Variants in SRFBP1 observed in about 807,000 individuals in gnomAD.
The protein encoded by SRFBP1 is serum response factor-binding protein 1.
Under a neutral mutation model 45.5 loss-of-function variants are expected in SRFBP1, and 47 were observed. That is an observed-to-expected ratio of 1.03 (90% CI 0.82 to 1.32). The LOEUF is 1.32. Among genes scored for constraint, SRFBP1 ranks in the 40% most tolerant of loss-of-function variants. The probability of loss-of-function intolerance (pLI) is 0.00; values close to 1 mark genes in which losing one functional copy is unlikely to be tolerated. For synonymous variants in SRFBP1, 203 were observed against 166.3 expected, an observed-to-expected ratio of 1.22 and a Z score of -1.70; for missense variants, 621 against 484.6, an observed-to-expected ratio of 1.28 and a Z score of -2.64.
chr5:121,964,182 C>G (rs2112808193), intron 1 of SRFBP1, among the ~76,000 whole-genome samples: 1 of 152,142 alleles, frequency 6.6e-6, no homozygotes, highest in Non-Finnish European at 1.5e-5. Flanking sequence ...ATTGACTCTT[C>G]TCAAACTTTA....
chr5:121,996,869 AACAG>A (rs2112678301), intron 4 of SRFBP1, among the ~76,000 whole-genome samples: 1 of 147,724 alleles, frequency 6.8e-6, no homozygotes, highest in East Asian at 2.0e-4. Flanking sequence ...ATACACCAAC[AACAG>A]ACAACCAGAG....
downstream of SRFBP1, chr5:122,077,646 C>A (rs369288671): frequency 3.4e-5 from 55 of 1,609,712 alleles, no homozygotes; most frequent in South Asian, 6.0e-4. This position sits in a 1 kb window ranked among gnomAD's most constrained non-coding sequence, Gnocchi z 4.9. Context: ...GGGCGGCCAG[C>A]GGTGACTCCA....
chr5:122,018,034 G>A (rs1753223371), intron 4 of SRFBP1, among the ~76,000 whole-genome samples: 1 of 152,192 alleles, frequency 6.6e-6, no homozygotes, highest in Admixed American at 6.5e-5. Context: ...AGTAAATAGT[G>A]ATGGGAAGTG....
At chr5:122,054,685 A>C (rs748953992) in intron 2 of SRFBP1, among the ~76,000 whole-genome samples, 6 of 152,214 alleles carry the variant, frequency 3.9e-5, no homozygotes, top group Non-Finnish European at 8.8e-5. Flanking sequence ...TAATATATTT[A>C]TCTTTCTCTC....
chr5:121,976,597 A>G (rs1439070628), intron 3 of SRFBP1, among the ~76,000 whole-genome samples: 1 of 151,840 alleles, frequency 6.6e-6, no homozygotes, highest in Non-Finnish European at 1.5e-5. Context: ...TTACTAAATT[A>G]CATTGCCTAC....
intron 6 of SRFBP1, 104 bp downstream of exon 6, chr5:122,020,906 A>G (rs990702401): frequency 4.0e-5 from 44 of 1,103,686 alleles, no homozygotes; most frequent in Non-Finnish European, 5.0e-5. Context: ...AGTTTGTACA[A>G]CCCATCCTGT....
chr5:121,978,657 A>G (rs1209326681), intron 3 of SRFBP1, among the ~76,000 whole-genome samples: 1 of 152,048 alleles, frequency 6.6e-6, no homozygotes, highest in Non-Finnish European at 1.5e-5. Flanking sequence ...ATGCCTGGCT[A>G]ACTTTTGTAT....
At chr5:121,983,234 C>G (rs1331790492) in intron 3 of SRFBP1, among the ~76,000 whole-genome samples, 1 of 151,244 alleles carries the variant, frequency 6.6e-6, no homozygotes, top group Non-Finnish European at 1.5e-5. Context: ...CTTCACAAGG[C>G]CATCCATTTT....
intron 1 of SRFBP1, among the ~76,000 whole-genome samples, chr5:121,967,470 C>T (rs752256835): frequency 2.0e-4 from 31 of 152,044 alleles, no homozygotes; most frequent in Non-Finnish European, 4.0e-4. Context: ...AATTGTTGCT[C>T]ATCAGAAATA....
intron 2 of SRFBP1, among the ~76,000 whole-genome samples, chr5:122,035,061 G>T (rs1318642871): frequency 2.0e-5 from 3 of 151,526 alleles, no homozygotes; most frequent in Admixed American, 2.0e-4. Context: ...TGTTGTTGTT[G>T]TTTTTTCTAT....
chr5:121,980,396 A>G (rs769549329), intron 3 of SRFBP1, among the ~76,000 whole-genome samples: 2 of 152,150 alleles, frequency 1.3e-5, no homozygotes, highest in Non-Finnish European at 2.9e-5. Context: ...GTTACTAAGT[A>G]ATCTGTGAAA....
chr5:121,968,352 T>A (rs1259995532), intron 1 of SRFBP1, among the ~76,000 whole-genome samples: 1 of 151,948 alleles, frequency 6.6e-6, no homozygotes, highest in Non-Finnish European at 1.5e-5. Context: ...AGTGAGAGAT[T>A]TCATTATGCT....
chr5:121,991,246 G>T (rs1467509800), intron 3 of SRFBP1, among the ~76,000 whole-genome samples: 1 of 151,938 alleles, frequency 6.6e-6, no homozygotes, highest in Non-Finnish European at 1.5e-5. Context: ...TAATTTATAT[G>T]TTCTTAAAAC....
At chr5:122,070,554 T>G (rs774013156) in intron 2 of SRFBP1, 1 of 1,608,702 alleles carries the variant, frequency 6.2e-7, no homozygotes, top group Non-Finnish European at 8.5e-7. Context: ...AGTCTATGTC[T>G]GCACCATAGG....
At chr5:122,045,935 C>T (rs564159063) in intron 2 of SRFBP1, among the ~76,000 whole-genome samples, 1 of 152,214 alleles carries the variant, frequency 6.6e-6, no homozygotes, top group East Asian at 1.9e-4. Context: ...TCTTTGCCTG[C>T]TTTCAAGGGG....
At chr5:122,030,730 G>C (rs937625514), downstream of SRFBP1, among the ~76,000 whole-genome samples, 9 of 152,050 alleles carry the variant, frequency 5.9e-5, no homozygotes, top group Non-Finnish European at 1.0e-4. Flanking sequence ...TGAAGTCTGG[G>C]CTTCCTCAGG....
At chr5:122,077,688 C>T (rs762913437), downstream of SRFBP1, 4 of 1,599,354 alleles carry the variant, frequency 2.5e-6, no homozygotes, top group Non-Finnish European at 3.4e-6. This position sits in a 1 kb window ranked among gnomAD's most constrained non-coding sequence, Gnocchi z 4.9. Context: ...CGCGCCGCGG[C>T]GGTGCGGTTG....
At chr5:122,046,881 T>C (rs1028705548) in intron 2 of SRFBP1, among the ~76,000 whole-genome samples, 3 of 152,246 alleles carry the variant, frequency 2.0e-5, no homozygotes, top group African/African-American at 7.2e-5. Context: ...TTGCCCACTT[T>C]TTGATGGGGC....
At chr5:122,069,515 T>A (rs1301200173) in intron 2 of SRFBP1, among the ~76,000 whole-genome samples, 1 of 152,114 alleles carries the variant, frequency 6.6e-6, no homozygotes, top group Non-Finnish European at 1.5e-5. Context: ...AGGAATATTA[T>A]GAAGAAACCT....
Sources: gnomAD v4.1 joint callset for allele counts (sites outside exome capture counted in the v4.1 genomes callset) on GRCh38, gnomAD v4.1.1 for gene constraint, Gnocchi (gnomAD v3.1) non-coding constraint, MANE v1.5 for transcripts, NCBI Gene and HGNC (gene_info 2026-07-23, HGNC 2026-07-21) for gene names.